DPY19L1: variants seen among roughly 807,000 people sequenced by gnomAD.
The protein encoded by DPY19L1 is dpy-19 like C-mannosyltransferase 1.
A neutral mutation model predicts 96.9 loss-of-function variants in DPY19L1; 35 were observed. That is an observed-to-expected ratio of 0.36 (90% CI 0.28 to 0.48). The LOEUF is 0.48. Among genes scored for constraint, DPY19L1 ranks in the 20% least tolerant of loss-of-function variants. The pLI is 0.99. For synonymous variants in DPY19L1, 205 were observed against 252.6 expected (o/e 0.81, Z 1.79); for missense variants, 521 against 777.9 (o/e 0.67, Z 3.93).
At chr7:34,965,909 T>C (rs185475611) in intron 10 of DPY19L1, among the ~76,000 whole-genome samples, 49 of 152,260 alleles carry the variant, frequency 3.2e-4, no homozygotes, top group Non-Finnish European at 5.6e-4. Context: ...CCAATCTTTG[T>C]TCTACTCCCC....
chr7:35,022,144 C>T (rs867634029), intron 1 of DPY19L1, among the ~76,000 whole-genome samples: 6 of 152,086 alleles, frequency 3.9e-5, no homozygotes, highest in African/African-American at 1.4e-4. Context: ...CAGTGTTTAT[C>T]GACGTTTTTG....
At chr7:34,989,769 A>C in intron 7 of DPY19L1, 115 bp downstream of exon 7, 1 of 900,708 alleles carries the variant, frequency 1.1e-6, no homozygotes, top group East Asian at 2.7e-5. Flanking sequence ...CTAGTGTTTA[A>C]ATTTTGAATC....
At chr7:35,036,890 G>A (rs1426891862) in intron 1 of DPY19L1, among the ~76,000 whole-genome samples, 3 of 151,818 alleles carry the variant, frequency 2.0e-5, no homozygotes, top group Non-Finnish European at 1.5e-5. Context: ...CGTGCGAGGA[G>A]AGCTGAGCCA....
intron 6 of DPY19L1, among the ~76,000 whole-genome samples, chr7:35,007,555 G>A (rs924334940): frequency 6.6e-5 from 10 of 152,070 alleles, no homozygotes; most frequent in Non-Finnish European, 1.2e-4. Flanking sequence ...ACTACAGTAA[G>A]AAGGCTTTAC....
At chr7:34,977,805 A>G (rs1335277111) in intron 7 of DPY19L1, among the ~76,000 whole-genome samples, 1 of 152,210 alleles carries the variant, frequency 6.6e-6, no homozygotes. Flanking sequence ...GGAAATATAC[A>G]TGTGAACTGC....
chr7:34,978,606 G>T (rs1309878716), intron 7 of DPY19L1, among the ~76,000 whole-genome samples: 1 of 152,038 alleles, frequency 6.6e-6, no homozygotes, highest in Non-Finnish European at 1.5e-5. Context: ...AGTAAGCTTT[G>T]TGCATCTCAG....
intron 13 of DPY19L1, among the ~76,000 whole-genome samples, chr7:34,954,201 T>A (rs1398833118): frequency 6.6e-6 from 1 of 152,116 alleles, no homozygotes; most frequent in Non-Finnish European, 1.5e-5. Context: ...CTCCATTTTA[T>A]CTTCCCTTCT....
intron 11 of DPY19L1, among the ~76,000 whole-genome samples, chr7:34,957,285 G>A (rs1784399119): frequency 6.6e-6 from 1 of 152,154 alleles, no homozygotes; most frequent in African/African-American, 2.4e-5. Flanking sequence ...GGAAGGCTGA[G>A]GCAGGAGAAA....
chr7:35,008,828 G>A (rs1785631422), intron 6 of DPY19L1, among the ~76,000 whole-genome samples: 1 of 152,176 alleles, frequency 6.6e-6, no homozygotes, highest in Non-Finnish European at 1.5e-5. Flanking sequence ...CCCATAGACA[G>A]ATGGGCAGTA....
At chr7:34,963,843 C>A (rs925171762) in intron 10 of DPY19L1, among the ~76,000 whole-genome samples, 2 of 152,138 alleles carry the variant, frequency 1.3e-5, no homozygotes, top group African/African-American at 4.8e-5. Context: ...CACAAAAAGA[C>A]AAATACTGTA....
At chr7:34,948,292 T>G (rs1784194390) in intron 14 of DPY19L1, among the ~76,000 whole-genome samples, 1 of 152,200 alleles carries the variant, frequency 6.6e-6, no homozygotes, top group East Asian at 1.9e-4. Flanking sequence ...TTTTTACTTT[T>G]ATGTGTGTTA....
chr7:34,977,085 G>T (rs1319284319), intron 7 of DPY19L1, among the ~76,000 whole-genome samples: 1 of 152,096 alleles, frequency 6.6e-6, no homozygotes, highest in African/African-American at 2.4e-5. Flanking sequence ...TTAAATTAAG[G>T]TATGTACATT....
chr7:35,018,555 GA>G lies in DPY19L1; in HGVS notation c.323+16del. 1 of 1,603,000 alleles carries G rather than the reference GA, an allele frequency of 6.2e-7. No homozygotes were observed. Among genetic ancestry groups the G allele is most frequent in the Non-Finnish European group, 8.5e-7 (1 of 1,174,720 alleles). ...AACGTCTGCATAAAATACCATAGGAGAAAAAAACAATCTTACCAGTGCAACA... is the reference window on the plus strand; with the variant it reads ...AACGTCTGCATAAAATACCATAGGAGAAAAAACAATCTTACCAGTGCAACA... On this transcript the variant is annotated intron_variant, in intron 2 of 21. Coordinates refer to ENST00000638088, the MANE Select transcript of DPY19L1 (RefSeq NM_001366673.1).
Position 34,955,328 on chromosome 7 carries a change from C to T in DPY19L1, c.1219G>A (p.Val407Ile), listed in dbSNP as rs1231309681. ...AMKPHFLKIN[V>I]SELSLWVIQG... The stretch of plus-strand genomic sequence containing the variant: ...CTCACCCATAAACTAAGTTCAGATA[C>T]ATTTATTTTCAGGAAATGTGGTTTC... The change falls in exon 12 of 22, where the codon GTA (valine) becomes ATA (isoleucine). Residue 407 changes from valine (V) to isoleucine (I), a missense_variant. Transcript: ENST00000638088. 3.1e-6 allele frequency: 5 copies of T among 1,605,760 alleles called. No individual in the cohort carries two copies. The highest frequency in any genetic ancestry group is 4.3e-6 in the Non-Finnish European group (5 of 1,174,110).
At position 34,941,874 on chromosome 7, in the gene DPY19L1, T is replaced by G; in HGVS notation, c.1580A>C (p.His527Pro). Residue 527 changes from histidine to proline, a missense_variant, in exon 18 of 22, where the codon CAT (histidine) becomes CCT (proline). His to Pro is a moderately conservative substitution (Grantham distance 77). Transcript: ENST00000638088. The stretch of plus-strand genomic sequence containing the variant: ...TGTATATGCTAACAATTGCAATGCA[T>G]GGTAAACCAGCTGAAAGAAAGAAGA... The part of the protein sequence containing the change: ...HQFDHGELVY[H>P]ALQLLAYTAL... 6.4e-7 allele frequency: 1 copy of G among 1,566,406 alleles called. No individual in the cohort carries two copies. The highest frequency in any genetic ancestry group is 1.2e-5 in the South Asian group (1 of 84,556).
chr7:35,007,427 T>G lies in DPY19L1; in HGVS notation c.764+3041A>C, dbSNP rs576450270. 1.1e-4 allele frequency among the ~76,000 whole-genome samples: 17 copies of G among 152,250 alleles called. No homozygotes were observed. In the South Asian group the frequency reaches 3.5e-3, roughly 32 times the overall value. On this transcript the variant is annotated intron_variant, in intron 6 of 21. Transcript: ENST00000638088. ...GTCAAATGGGCAGAGTGAAACAAGCTATAGCCACTGACATTGGAAGAACCA... is the reference window on the plus strand; with the variant it reads ...GTCAAATGGGCAGAGTGAAACAAGCGATAGCCACTGACATTGGAAGAACCA...
At chr7:35,017,634 T>C (rs994066233) in intron 3 of DPY19L1, among the ~76,000 whole-genome samples, 16 of 149,800 alleles carry the variant, frequency 1.1e-4, no homozygotes, top group African/African-American at 3.7e-4. Context: ...ATGGAGCCAC[T>C]GCACTCCAGC....
intron 13 of DPY19L1, among the ~76,000 whole-genome samples, chr7:34,953,028 C>G (rs1452995170): frequency 6.6e-6 from 1 of 152,056 alleles, no homozygotes; most frequent in Non-Finnish European, 1.5e-5. Context: ...GGGGCAGGAC[C>G]GAGTGTGGCT....
chr7:35,008,732 G>A (rs1785628463), intron 6 of DPY19L1, among the ~76,000 whole-genome samples: 1 of 152,108 alleles, frequency 6.6e-6, no homozygotes, highest in Non-Finnish European at 1.5e-5. Context: ...TAGCATAAGT[G>A]CAGATTAGCA....
Sources: gnomAD v4.1 joint callset for allele counts (sites outside exome capture counted in the v4.1 genomes callset) on GRCh38, gnomAD v4.1.1 for gene constraint, MANE v1.5 for transcripts, NCBI Gene and HGNC (gene_info 2026-07-23, HGNC 2026-07-21) for gene names.